The following EEFSEC variants were observed in gnomAD, a reference collection of about 807,000 sequenced individuals.
The protein encoded by EEFSEC is eukaryotic elongation factor, selenocysteine-tRNA specific, also known as selenocysteine-specific elongation factor.
EEFSEC carries 43 observed loss-of-function variants against 42.1 expected under a neutral mutation model. The ratio of observed to expected loss-of-function variants is 1.02; its 90% CI spans 0.80 to 1.32. The LOEUF (loss-of-function observed/expected upper bound fraction) is 1.32. Among genes scored for constraint, EEFSEC ranks in the 40% most tolerant of loss-of-function variants. The pLI is 0.00. For missense variants in EEFSEC, 745 were observed against 803.6 expected, an observed-to-expected ratio of 0.93 and a Z score of 0.88; for synonymous variants, 354 against 339.1, an observed-to-expected ratio of 1.04 and a Z score of -0.48.
chr3:128,328,979 G>A (rs1402775448), intron 4 of EEFSEC, among the ~76,000 whole-genome samples: 1 of 152,200 alleles, frequency 6.6e-6, no homozygotes, highest in South Asian at 2.1e-4. Flanking sequence ...GCTCGCAGTG[G>A]CAGCTCAATT....
intron 4 of EEFSEC, among the ~76,000 whole-genome samples, chr3:128,291,445 A>AT (rs2107985196): frequency 6.6e-6 from 1 of 152,256 alleles, no homozygotes; most frequent in Admixed American, 6.5e-5. Context: ...CTTTGCCCTT[A>AT]TGCCACTTGA....
chr3:128,349,345 C>T (rs1048404731), intron 5 of EEFSEC, among the ~76,000 whole-genome samples: 7 of 152,196 alleles, frequency 4.6e-5, no homozygotes, highest in African/African-American at 1.7e-4. Flanking sequence ...CTCAGCCTCT[C>T]TCACCTACCC....
At chr3:128,224,911 G>T (rs2065893956) in intron 1 of EEFSEC, among the ~76,000 whole-genome samples, 1 of 152,242 alleles carries the variant, frequency 6.6e-6, no homozygotes, top group Non-Finnish European at 1.5e-5. Context: ...CAGAGAGGTA[G>T]ATTGGCTTCC....
chr3:128,173,928 G>A (rs986819780), intron 1 of EEFSEC, among the ~76,000 whole-genome samples: 7 of 152,208 alleles, frequency 4.6e-5, no homozygotes, highest in Non-Finnish European at 1.0e-4. Flanking sequence ...TGCTTCAGGG[G>A]CTTGGCCTGC....
At chr3:128,230,610 A>T (rs2083107358) in intron 1 of EEFSEC, among the ~76,000 whole-genome samples, 3 of 152,146 alleles carry the variant, frequency 2.0e-5, no homozygotes, top group African/African-American at 7.2e-5. Flanking sequence ...TGTCTTCCAG[A>T]CCCAAGTGAG....
chr3:128,368,133 C>T (rs116143988), intron 6 of EEFSEC, among the ~76,000 whole-genome samples: 39 of 152,338 alleles, frequency 2.6e-4, no homozygotes, highest in African/African-American at 9.1e-4. Flanking sequence ...GCATTTGGCA[C>T]AGAAGTACAG....
At position 128,241,201 on chromosome 3, in the gene EEFSEC, C is replaced by CTTTTT. The variant is rs373420882; in HGVS notation, c.317-5616_317-5612dup. 2.9e-3 allele frequency among the ~76,000 whole-genome samples: 230 copies of CTTTTT among 80,650 alleles called. 4 individuals carry two copies. The highest frequency in any genetic ancestry group is 6.3e-3 in the African/African-American group (124 of 19,818). The allele number at this position is 80,650 out of a possible 152,430, so 52.9% of individuals were successfully genotyped here. ...AAGCCTTTGTCCTCTCTCTCTCTCT[C>CTTTTT]TTTTTTTTTTTTTTTTTTTTTTTGA... On this transcript the variant is annotated intron_variant, in intron 1 of 6. Coordinates refer to ENST00000254730, the MANE Select transcript of EEFSEC (RefSeq NM_021937.5).
chr3:128,331,553 T>C (rs982333696), intron 4 of EEFSEC, among the ~76,000 whole-genome samples: 17 of 150,812 alleles, frequency 1.1e-4, no homozygotes, highest in African/African-American at 4.2e-4. Flanking sequence ...CTTTCTCCCC[T>C]TCTCCTCCAT....
chr3:128,253,371 C>A (rs1286114084), intron 2 of EEFSEC, among the ~76,000 whole-genome samples: 1 of 152,134 alleles, frequency 6.6e-6, no homozygotes, highest in African/African-American at 2.4e-5. Flanking sequence ...CCATCTCTTT[C>A]TCCTATGGGA....
intron 6 of EEFSEC, among the ~76,000 whole-genome samples, chr3:128,372,377 G>T (rs1407794663): frequency 2.6e-5 from 4 of 152,168 alleles, no homozygotes; most frequent in African/African-American, 9.7e-5. Context: ...ATGGCAGCTG[G>T]TCAAGGGGCC....
chr3:128,197,653 GAGA>G (rs1174355196), intron 1 of EEFSEC, among the ~76,000 whole-genome samples: 3 of 152,122 alleles, frequency 2.0e-5, no homozygotes, highest in Non-Finnish European at 4.4e-5. Context: ...TTAACGGTAC[GAGA>G]AGACCAGTGC....
At chr3:128,402,493 C>T (rs865942807) in intron 6 of EEFSEC, among the ~76,000 whole-genome samples, 1 of 152,202 alleles carries the variant, frequency 6.6e-6, no homozygotes, top group Admixed American at 6.5e-5. Context: ...GGTAAGCAAA[C>T]GGGCTTGGGA....
intron 2 of EEFSEC, among the ~76,000 whole-genome samples, chr3:128,249,063 A>C (rs1422746097): frequency 6.6e-6 from 1 of 152,256 alleles, no homozygotes; most frequent in African/African-American, 2.4e-5. Flanking sequence ...GAACTTCTTT[A>C]AATGATTTTA....
At chr3:128,381,284 T>C (rs981912030) in intron 6 of EEFSEC, among the ~76,000 whole-genome samples, 1 of 152,114 alleles carries the variant, frequency 6.6e-6, no homozygotes, top group East Asian at 1.9e-4. Context: ...GAAGAGGAAA[T>C]GGGAAGCAAG....
intron 1 of EEFSEC, among the ~76,000 whole-genome samples, chr3:128,187,923 T>C (rs2065481070): frequency 6.6e-6 from 1 of 152,190 alleles, no homozygotes; most frequent in African/African-American, 2.4e-5. Flanking sequence ...GTTTGGACAA[T>C]CCAGAGAAGG....
intron 4 of EEFSEC, among the ~76,000 whole-genome samples, chr3:128,290,815 G>A (rs962412200): frequency 7.9e-5 from 12 of 151,970 alleles, no homozygotes; most frequent in African/African-American, 2.4e-4. Context: ...GTGCAACCTC[G>A]GCTCACTGCA....
At chr3:128,202,716 A>C (rs1369936978) in intron 1 of EEFSEC, among the ~76,000 whole-genome samples, 1 of 152,194 alleles carries the variant, frequency 6.6e-6, no homozygotes, top group Non-Finnish European at 1.5e-5. Context: ...GAGAGTGGAC[A>C]TCCTTGCCTC....
At chr3:128,355,134 G>A (rs1277245610) in intron 5 of EEFSEC, among the ~76,000 whole-genome samples, 6 of 152,168 alleles carry the variant, frequency 3.9e-5, no homozygotes, top group East Asian at 3.9e-4. Context: ...CTCAGTGAGC[G>A]CCTGTTCACC....
chr3:128,279,442 G>C (rs1158882160), intron 4 of EEFSEC, among the ~76,000 whole-genome samples: 10 of 152,320 alleles, frequency 6.6e-5, no homozygotes, highest in African/African-American at 1.9e-4. Context: ...AATGCCTCCT[G>C]GGGGGAAATT....
Sources: allele counts gnomAD v4.1 joint callset (sites outside exome capture counted in the v4.1 genomes callset), GRCh38; gene constraint gnomAD v4.1.1; transcripts MANE v1.5; gene names NCBI Gene and HGNC (gene_info 2026-07-23, HGNC 2026-07-21).